Variants in PRELID2 observed in about 807,000 individuals in gnomAD.
PRELID2 encodes PRELI domain-containing protein 2.
PRELID2 carries 25 observed loss-of-function variants against 28.4 expected under a neutral mutation model. That is an observed-to-expected ratio of 0.88 (90% CI 0.64 to 1.23). The LOEUF (loss-of-function observed/expected upper bound fraction) is 1.23. PRELID2 is among the 50% of genes most tolerant of loss of function. The pLI is 0.00. For missense variants in PRELID2, 201 were observed against 214.4 expected (o/e 0.94, Z 0.39); for synonymous variants, 76 against 71.6 (o/e 1.06, Z -0.31).
intron 1 of PRELID2, among the ~76,000 whole-genome samples, chr5:145,615,320 T>TATAGGTGG (rs778219046): frequency 4.6e-5 from 5 of 108,068 alleles, no homozygotes; most frequent in Admixed American, 2.6e-4. Context: ...GTGAGTCTCT[T>TATAGGTGG]TTTTTTGTTT....
intron 4 of PRELID2, among the ~76,000 whole-genome samples, chr5:145,811,506 C>T (rs1247034739): frequency 6.6e-6 from 1 of 152,108 alleles, no homozygotes; most frequent in Non-Finnish European, 1.5e-5. Context: ...AGGCTGGTCT[C>T]GAACTCCTGG....
chr5:145,513,584 C>T lies in PRELID2; in HGVS notation n.71-40269G>A, dbSNP rs888295540. Among the ~76,000 whole-genome samples the T allele has an allele frequency of 3.3e-5, 5 of 152,248 alleles. No homozygotes were observed. In the East Asian group the frequency reaches 9.7e-4, roughly 29 times the overall value. On this transcript the variant is annotated intron_variant and non_coding_transcript_variant, in intron 1 of 2. Coordinates refer to the PRELID2 transcript ENST00000510259. The stretch of plus-strand genomic sequence containing the variant: ...CTCTTCAGGATAACATCCAGCAGAA[C>T]TTCCCCAATTCCCCAACCTAGCAAG...
chr5:145,373,745 AAT>A, the PRELID2 span, among the ~76,000 whole-genome samples: 2 of 49,814 alleles, frequency 4.0e-5, no homozygotes, highest in Non-Finnish European at 7.3e-5. Flanking sequence ...CAACATATAT[AAT>A]ATATATGATA....
the PRELID2 span, among the ~76,000 whole-genome samples, chr5:145,401,308 G>A: frequency 2.0e-5 from 3 of 148,720 alleles, no homozygotes; most frequent in East Asian, 6.0e-4. Context: ...CATGTTAAGT[G>A]TTCTTACCAC....
chr5:145,588,372 A>T (rs899844435), intron 1 of PRELID2, among the ~76,000 whole-genome samples: 4 of 152,120 alleles, frequency 2.6e-5, no homozygotes, highest in African/African-American at 9.7e-5. Context: ...GCCATATGCC[A>T]AAAGCCCTAC....
intron 1 of PRELID2, among the ~76,000 whole-genome samples, chr5:145,630,033 G>C (rs61087647): frequency 0.036 from 5,455 of 152,220 alleles, 298 homozygotes; most frequent in African/African-American, 0.12. Context: ...GAAAATGTCT[G>C]CTCCTTGAGG....
At chr5:145,333,121 T>C in the PRELID2 span, among the ~76,000 whole-genome samples, 2 of 152,214 alleles carry the variant, frequency 1.3e-5, no homozygotes, top group African/African-American at 4.8e-5. Flanking sequence ...CAAAGATTGC[T>C]GCCTGTTCCT....
chr5:145,490,850 T>C (rs1752262841), intron 1 of PRELID2, among the ~76,000 whole-genome samples: 2 of 152,178 alleles, frequency 1.3e-5, no homozygotes, highest in African/African-American at 4.8e-5. Flanking sequence ...TAACTAAAGC[T>C]GAATAGATGC....
At chr5:145,499,785 CAGAG>C (rs1752342199) in intron 1 of PRELID2, among the ~76,000 whole-genome samples, 1 of 152,176 alleles carries the variant, frequency 6.6e-6, no homozygotes, top group Non-Finnish European at 1.5e-5. Context: ...GAAAGGACAG[CAGAG>C]AAAGATTCCA....
chr5:145,498,841 G>C (rs1580959364), intron 1 of PRELID2, among the ~76,000 whole-genome samples: 1 of 151,866 alleles, frequency 6.6e-6, no homozygotes, highest in East Asian at 1.9e-4. Context: ...GCCTCCCAAA[G>C]TGCTGAGATT....
chr5:145,674,308 C>A (rs1439334617), intron 1 of PRELID2, among the ~76,000 whole-genome samples: 1 of 150,568 alleles, frequency 6.6e-6, no homozygotes, highest in Non-Finnish European at 1.5e-5. Flanking sequence ...TATCCCTCCC[C>A]CCTCCCTCTA....
intron 1 of PRELID2, among the ~76,000 whole-genome samples, chr5:145,737,933 T>C (rs1756544598): frequency 6.6e-6 from 1 of 152,168 alleles, no homozygotes; most frequent in South Asian, 2.1e-4. Context: ...GATACCTCTT[T>C]CCTGCCGCAC....
intron 5 of PRELID2, among the ~76,000 whole-genome samples, chr5:145,777,916 A>G (rs1379285032): frequency 1.3e-5 from 2 of 152,138 alleles, no homozygotes; most frequent in Non-Finnish European, 2.9e-5. Flanking sequence ...CCAAACTCAG[A>G]GCAACATCAG....
At chr5:145,245,780 T>C in the PRELID2 span, among the ~76,000 whole-genome samples, 2,284 of 152,198 alleles carry the variant, frequency 0.015, 64 homozygotes, top group African/African-American at 0.052. Context: ...TTGTGTGAAT[T>C]TGGGTATTTC....
chr5:145,742,848 C>T (rs758058623), intron 1 of PRELID2, among the ~76,000 whole-genome samples: 8 of 151,606 alleles, frequency 5.3e-5, no homozygotes, highest in Non-Finnish European at 1.2e-4. Flanking sequence ...TCTAGCAAGA[C>T]TGACAAAGAA....
the PRELID2 span, among the ~76,000 whole-genome samples, chr5:145,358,267 G>A: frequency 1.3e-5 from 2 of 152,042 alleles, no homozygotes; most frequent in African/African-American, 4.8e-5. Flanking sequence ...ATGAGAGGGA[G>A]GAGGTGGATG....
At chr5:145,802,955 C>A (rs548141589) in intron 4 of PRELID2, among the ~76,000 whole-genome samples, 5 of 152,156 alleles carry the variant, frequency 3.3e-5, no homozygotes. Flanking sequence ...AAAGCAAAAG[C>A]TCTTAATGAG....
chr5:145,373,898 C>T, the PRELID2 span, among the ~76,000 whole-genome samples: 10 of 117,492 alleles, frequency 8.5e-5, 1 homozygote, highest in African/African-American at 1.4e-4. Flanking sequence ...TTATATATTA[C>T]AACATATATA....
At chr5:145,689,392 GA>G (rs925810040) in intron 1 of PRELID2, among the ~76,000 whole-genome samples, 4 of 152,172 alleles carry the variant, frequency 2.6e-5, no homozygotes, top group African/African-American at 9.7e-5. Context: ...TACAGAAACA[GA>G]AAGGAACAAG....
Sources: allele counts gnomAD v4.1 joint callset (sites outside exome capture counted in the v4.1 genomes callset), GRCh38; gene constraint gnomAD v4.1.1; transcripts MANE v1.5; gene names NCBI Gene and HGNC (gene_info 2026-07-23, HGNC 2026-07-21).